LOXL2: variants seen among roughly 807,000 people sequenced by gnomAD.
The protein encoded by LOXL2 is lysyl oxidase homolog 2.
Under a neutral mutation model 93.0 loss-of-function variants are expected in LOXL2, and 70 were observed. That is an observed-to-expected ratio of 0.75 (90% CI 0.62 to 0.92). The LOEUF (loss-of-function observed/expected upper bound fraction) is 0.92. Among genes scored for constraint, LOXL2 ranks in the 40% least tolerant of loss-of-function variants. LOXL2 has a pLI of 0.00. For missense variants in LOXL2, 973 were observed against 1,054.9 expected (o/e 0.92, Z 1.08); for synonymous variants, 438 against 413.2 (o/e 1.06, Z -0.73).
chr8:23,400,096 C>T (rs1408738104), intron 1 of LOXL2, among the ~76,000 whole-genome samples: 1 of 152,228 alleles, frequency 6.6e-6, no homozygotes, highest in Non-Finnish European at 1.5e-5. Flanking sequence ...AGAATTCCAA[C>T]TTATGAGTCT....
At chr8:23,351,431 A>G (rs955689967) in intron 3 of LOXL2, among the ~76,000 whole-genome samples, 1 of 152,070 alleles carries the variant, frequency 6.6e-6, no homozygotes, top group South Asian at 2.1e-4. Context: ...AGGTTTCCTC[A>G]TTCACCTCTC....
At chr8:23,355,734 CAGGT>C (rs1563200540) in intron 3 of LOXL2, among the ~76,000 whole-genome samples, 28 of 151,594 alleles carry the variant, frequency 1.8e-4, no homozygotes, top group Admixed American at 1.8e-3. Context: ...CTCAGCCTCC[CAGGT>C]AGCTGGGACC....
intron 1 of LOXL2, among the ~76,000 whole-genome samples, chr8:23,394,698 C>T (rs866168791): frequency 2.0e-5 from 3 of 151,962 alleles, no homozygotes; most frequent in African/African-American, 7.3e-5. Flanking sequence ...TTGGTGATTC[C>T]TCAAAAAGCT....
At chr8:23,393,327 G>A (rs1438074566) in intron 1 of LOXL2, among the ~76,000 whole-genome samples, 1 of 152,182 alleles carries the variant, frequency 6.6e-6, no homozygotes, top group South Asian at 2.1e-4. Context: ...CAAAAGTCAA[G>A]GCAGTATGGT....
chr8:23,298,674 C>G lies in LOXL2; in HGVS notation c.2245+162G>C, dbSNP rs908650729. 2.0e-5 allele frequency among the ~76,000 whole-genome samples: 3 copies of G among 152,226 alleles called. No individual in the cohort carries two copies. The East Asian group carries it at 5.8e-4, about 29-fold the overall frequency. ...GGAGCTGGCTGTAAAAACTCAGTCTCCATCCAGGCCTGTGTGTCTGTGGCT... is the reference window on the plus strand; with the variant it reads ...GGAGCTGGCTGTAAAAACTCAGTCTGCATCCAGGCCTGTGTGTCTGTGGCT... On this transcript the variant is annotated intron_variant, in intron 13 of 13. Transcript: ENST00000389131.
chr8:23,346,112 A>AAATT (rs1563197376), intron 3 of LOXL2, among the ~76,000 whole-genome samples: 5 of 136,028 alleles, frequency 3.7e-5, no homozygotes, highest in African/African-American at 1.4e-4. Context: ...AAAATAAAAT[A>AAATT]AAATTAAAAT....
rs1377615483 is a variant in LOXL2, at chr8:23,368,179, A to G, written c.173T>C (p.Leu58Pro). ...QAPANVAKIQ[L>P]RLAGQKRKHS... ...CTTCCTCTTCTGCCCAGCCAGGCGC[A>G]GCTGAATCTTGGCCACGTTGGCGGG... The change falls in exon 2 of 14, where the codon CTG becomes CCG. Residue 58 changes from leucine to proline, a missense_variant. Leu to Pro is a moderately conservative substitution (Grantham distance 98, BLOSUM62 -3). Transcript: ENST00000389131. The G allele has an allele frequency of 6.2e-7, 1 of 1,614,122 alleles. No homozygotes were observed. The highest frequency in any genetic ancestry group is 2.2e-5 in the East Asian group (1 of 44,868).
intron 2 of LOXL2, among the ~76,000 whole-genome samples, chr8:23,362,606 C>G (rs759118505): frequency 6.6e-6 from 1 of 152,044 alleles, no homozygotes; most frequent in African/African-American, 2.4e-5. Flanking sequence ...TGGTGGCGCA[C>G]GCCTGTAGTC....
chr8:23,323,453 C>A (rs899094749), intron 6 of LOXL2, among the ~76,000 whole-genome samples: 1 of 152,226 alleles, frequency 6.6e-6, no homozygotes, highest in African/African-American at 2.4e-5. Flanking sequence ...TAAGGAGAAG[C>A]CTGCCTTGAA....
At chr8:23,387,482 C>T (rs748988014) in intron 1 of LOXL2, among the ~76,000 whole-genome samples, 23 of 152,184 alleles carry the variant, frequency 1.5e-4, no homozygotes, top group African/African-American at 3.1e-4. Flanking sequence ...GAAAAACAGG[C>T]GGGATGCTCT....
At chr8:23,355,227 G>A (rs951945354) in intron 3 of LOXL2, among the ~76,000 whole-genome samples, 2 of 151,862 alleles carry the variant, frequency 1.3e-5, no homozygotes, top group African/African-American at 2.4e-5. Context: ...TTACAAGCGT[G>A]AGCCACCGCA....
intron 1 of LOXL2, among the ~76,000 whole-genome samples, chr8:23,394,839 C>A (rs1800068847): frequency 6.6e-6 from 1 of 150,590 alleles, no homozygotes; most frequent in South Asian, 2.1e-4. Flanking sequence ...ATTCATAATA[C>A]TCAAAGGGTG....
At chr8:23,323,235 G>T (rs561180799) in intron 6 of LOXL2, among the ~76,000 whole-genome samples, 1 of 152,204 alleles carries the variant, frequency 6.6e-6, no homozygotes, top group Admixed American at 6.5e-5. Flanking sequence ...ACAAGGCACC[G>T]ATCCTAATCA....
intron 4 of LOXL2, among the ~76,000 whole-genome samples, chr8:23,340,440 C>A (rs1803863848): frequency 6.6e-6 from 1 of 152,128 alleles, no homozygotes; most frequent in Non-Finnish European, 1.5e-5. Flanking sequence ...TACTTCTTTC[C>A]CCTACTGGGA....
At chr8:23,329,543 CGT>C (rs1225219588) in intron 5 of LOXL2, among the ~76,000 whole-genome samples, 1 of 149,966 alleles carries the variant, frequency 6.7e-6, no homozygotes. Context: ...ATGTGTGGCA[CGT>C]GTGTGTGTAA....
chr8:23,298,323 T>C (rs1459073449), intron 13 of LOXL2, among the ~76,000 whole-genome samples: 1 of 152,186 alleles, frequency 6.6e-6, no homozygotes, highest in Non-Finnish European at 1.5e-5. Flanking sequence ...AACGAGTGAA[T>C]AAATATAGCG....
intron 1 of LOXL2, among the ~76,000 whole-genome samples, chr8:23,372,347 A>G (rs1490557140): frequency 6.6e-6 from 1 of 151,820 alleles, no homozygotes; most frequent in East Asian, 1.9e-4. Flanking sequence ...CCCCTCGAGT[A>G]GCTGGGATTC....
intron 11 of LOXL2, 54 bp from the exon 12 acceptor site, chr8:23,302,217 G>C: frequency 1.9e-6 from 3 of 1,602,700 alleles, no homozygotes; most frequent in Non-Finnish European, 2.6e-6. Flanking sequence ...CCCCACTGCC[G>C]CACCCTCTTC....
rs1288556589 is a variant in LOXL2, at chr8:23,365,506, C to T, written c.355+2491G>A. 2.8e-5 allele frequency: 4 copies of T among 142,940 alleles called. No individual in the cohort carries two copies. In the East Asian group the frequency reaches 8.3e-4, roughly 29 times the overall value. 8.9% of individuals were successfully genotyped at this position (142,940 alleles called of 1,614,324 possible). A position where few individuals can be genotyped will look rare whatever the true frequency, so the allele number is the denominator to read the frequency against. On this transcript the variant is annotated intron_variant, in intron 2 of 13. Transcript: ENST00000389131. Reference sequence around the variant, plus strand: ...GCAGCTTAACTCGTAAAGCCGTGAACACAAGACAGAGTTTTTTTTTTTTCA... The same window carrying T: ...GCAGCTTAACTCGTAAAGCCGTGAATACAAGACAGAGTTTTTTTTTTTTCA...
Sources: allele counts gnomAD v4.1 joint callset (sites outside exome capture counted in the v4.1 genomes callset), GRCh38; gene constraint gnomAD v4.1.1; transcripts MANE v1.5; gene names NCBI Gene and HGNC (gene_info 2026-07-23, HGNC 2026-07-21).